Variants in UBE2F observed in about 807,000 individuals in gnomAD.
The protein encoded by UBE2F is NEDD8-conjugating enzyme UBE2F.
In UBE2F, 5 loss-of-function variants were observed where a neutral mutation model predicts 29.6. That is an observed-to-expected ratio of 0.17 (90% CI 0.09 to 0.36). UBE2F has a LOEUF of 0.36. UBE2F is among the 10% of genes least tolerant of loss of function. UBE2F has a pLI of 1.00. For synonymous variants in UBE2F, 66 were observed against 81.8 expected, an observed-to-expected ratio of 0.81 and a Z score of 1.04; for missense variants, 141 against 228.5, an observed-to-expected ratio of 0.62 and a Z score of 2.47.
intron 8 of UBE2F, among the ~76,000 whole-genome samples, chr2:238,033,613 CT>C (rs1194984456): frequency 6.6e-6 from 1 of 152,218 alleles, no homozygotes; most frequent in Non-Finnish European, 1.5e-5. Flanking sequence ...GTGTTCTTAT[CT>C]TCAGCAAAAG....
intron 4 of UBE2F, chr2:238,003,553 A>T: frequency 3.2e-6 from 1 of 314,224 alleles, no homozygotes; most frequent in Non-Finnish European, 6.8e-6. Flanking sequence ...ATTGTTTTAA[A>T]AACCATTCAT....
At chr2:237,987,511 G>T (rs1192190068) in intron 2 of UBE2F, among the ~76,000 whole-genome samples, 2 of 152,262 alleles carry the variant, frequency 1.3e-5, no homozygotes, top group East Asian at 3.9e-4. Flanking sequence ...AAGAGGGACT[G>T]CGATGTCTGA....
intron 4 of UBE2F, among the ~76,000 whole-genome samples, chr2:238,005,762 G>T (rs899238916): frequency 2.0e-5 from 3 of 151,920 alleles, no homozygotes; most frequent in Non-Finnish European, 2.9e-5. Context: ...TGTTCTGCAC[G>T]TCTACACTTG....
At chr2:238,000,981 A>T (rs1169104170) in intron 4 of UBE2F, among the ~76,000 whole-genome samples, 1 of 151,742 alleles carries the variant, frequency 6.6e-6, no homozygotes, top group Non-Finnish European at 1.5e-5. Context: ...TTGCCCATTT[A>T]AAAATATGAT....
At chr2:237,999,064 G>T (rs2063741826) in intron 4 of UBE2F, among the ~76,000 whole-genome samples, 1 of 151,892 alleles carries the variant, frequency 6.6e-6, no homozygotes, top group African/African-American at 2.4e-5. Flanking sequence ...TTGTTGAGGA[G>T]GAATTTCTTT....
intron 9 of UBE2F, among the ~76,000 whole-genome samples, chr2:238,037,254 T>C (rs182209216): frequency 1.4e-3 from 206 of 152,336 alleles, no homozygotes; most frequent in Middle Eastern, 6.8e-3. Flanking sequence ...GAAAAAGGTA[T>C]AACAAAACCC....
intron 8 of UBE2F, among the ~76,000 whole-genome samples, chr2:238,034,805 AT>A (rs1316334036): frequency 6.6e-6 from 1 of 152,216 alleles, no homozygotes; most frequent in Non-Finnish European, 1.5e-5. Flanking sequence ...GAAGAGAAAT[AT>A]GGTTGTCTTG....
intron 6 of UBE2F, among the ~76,000 whole-genome samples, chr2:238,027,313 T>C (rs374753477): frequency 5.0e-4 from 76 of 152,366 alleles, no homozygotes; most frequent in African/African-American, 1.7e-3. Context: ...CGGATACTTC[T>C]CTGGAAAAAT....
At chr2:237,975,434 G>GAGCA (rs1306297734) in intron 2 of UBE2F, among the ~76,000 whole-genome samples, 5 of 152,256 alleles carry the variant, frequency 3.3e-5, no homozygotes, top group African/African-American at 1.2e-4. Flanking sequence ...CTTACATGTA[G>GAGCA]AGCAGCTAGA....
intron 3 of UBE2F, among the ~76,000 whole-genome samples, chr2:237,989,918 A>G (rs1234333333): frequency 6.6e-6 from 1 of 151,898 alleles, no homozygotes; most frequent in Non-Finnish European, 1.5e-5. Context: ...CAGGAGTTCG[A>G]GACCAGCTTG....
At chr2:238,034,343 G>A (rs1295742371) in intron 8 of UBE2F, among the ~76,000 whole-genome samples, 14 of 151,964 alleles carry the variant, frequency 9.2e-5, no homozygotes, top group African/African-American at 3.4e-4. Flanking sequence ...CAGGAGAATC[G>A]CTTGAATCCA....
At chr2:238,002,769 G>T (rs537652032) in intron 4 of UBE2F, among the ~76,000 whole-genome samples, 1 of 151,572 alleles carries the variant, frequency 6.6e-6, no homozygotes. Context: ...GCACCACCAC[G>T]CCTGGCTAAT....
At chr2:238,000,631 G>T (rs1423925907) in intron 4 of UBE2F, among the ~76,000 whole-genome samples, 2 of 152,154 alleles carry the variant, frequency 1.3e-5, no homozygotes, top group Admixed American at 6.6e-5. Context: ...TTTTTTATGT[G>T]CAGGTCTTCA....
At chr2:237,973,557 T>C in intron 2 of UBE2F, 1 of 689,310 alleles carries the variant, frequency 1.5e-6, no homozygotes, top group Non-Finnish European at 2.2e-6. Flanking sequence ...TATCTTCCTT[T>C]CTTTCTGATT....
rs751582812 is a variant in UBE2F at position 237,973,209 on chromosome 2, C to T, written c.102C>T (p.Asp34=). 1 of 1,613,610 alleles carries T rather than the reference C, an allele frequency of 6.2e-7. No individual in the cohort carries two copies. Among genetic ancestry groups the T allele is most frequent in the Non-Finnish European group, 8.5e-7 (1 of 1,179,570 alleles). The change falls in exon 2 of 10, where the codon GAC becomes GAT. Residue 34 remains aspartate (D), a synonymous_variant. Coordinates refer to ENST00000272930, the MANE Select transcript of UBE2F (RefSeq NM_080678.3). ...SDSTRRVSVR[D]KLLVKEVAEL... is the part of the protein sequence containing the mutation. The stretch of plus-strand genomic sequence containing the variant: ...CGACTCGGAGGGTTTCTGTGAGAGA[C>T]AAATTGCTTGTTAAAGGTAATGATC...
At chr2:238,031,767 A>G (rs2064587313) in intron 7 of UBE2F, among the ~76,000 whole-genome samples, 1 of 152,250 alleles carries the variant, frequency 6.6e-6, no homozygotes, top group South Asian at 2.1e-4. Context: ...CAAAATCATT[A>G]AGAAAACTTA....
intron 2 of UBE2F, among the ~76,000 whole-genome samples, chr2:237,986,627 G>A (rs139904422): frequency 3.3e-4 from 50 of 152,214 alleles, no homozygotes; most frequent in African/African-American, 1.1e-3. Flanking sequence ...TTTTCTTCTA[G>A]GAGTTTTATA....
intron 1 of UBE2F, chr2:237,968,711 C>G (rs1052192769): frequency 1.5e-5 from 4 of 262,500 alleles, no homozygotes; most frequent in African/African-American, 9.2e-5. Flanking sequence ...AAAGCAGGTC[C>G]CACCCAGAGG....
intron 5 of UBE2F, among the ~76,000 whole-genome samples, chr2:238,020,860 G>T (rs1384390622): frequency 2.6e-5 from 4 of 152,216 alleles, no homozygotes; most frequent in Non-Finnish European, 5.9e-5. Context: ...TGGGAACTTG[G>T]TGGCCTTTTA....
Sources: allele counts gnomAD v4.1 joint callset (sites outside exome capture counted in the v4.1 genomes callset), GRCh38; gene constraint gnomAD v4.1.1; transcripts MANE v1.5; gene names NCBI Gene and HGNC (gene_info 2026-07-23, HGNC 2026-07-21).